Variants in MARCHF1 observed in about 807,000 individuals in gnomAD.
MARCHF1 encodes the protein membrane associated ring-CH-type finger 1.
Under a neutral mutation model 54.2 loss-of-function variants are expected in MARCHF1, and 40 were observed. The observed-to-expected ratio is 0.74, with a 90% CI of 0.57 to 0.96. MARCHF1 has a LOEUF of 0.96. Ranked by LOEUF, MARCHF1 falls within the 40% of genes least tolerant of loss-of-function variation. The probability of loss-of-function intolerance (pLI) is 0.00; values close to 1 mark genes in which losing one functional copy is unlikely to be tolerated. For missense variants in MARCHF1, 586 were observed against 656.5 expected (o/e 0.89, Z 1.17); for synonymous variants, 236 against 236.3 (o/e 1.00, Z 0.01).
At chr4:164,002,795 G>T (rs1312380654) in intron 2 of MARCHF1, among the ~76,000 whole-genome samples, 1 of 151,744 alleles carries the variant, frequency 6.6e-6, no homozygotes, top group Non-Finnish European at 1.5e-5. Context: ...TTAACTAAAA[G>T]AAAATCTTAA....
intron 2 of MARCHF1, among the ~76,000 whole-genome samples, chr4:164,087,999 T>C (rs1450136415): frequency 6.6e-6 from 1 of 152,144 alleles, no homozygotes; most frequent in African/African-American, 2.4e-5. Context: ...AATTGAGATA[T>C]GACATAAAAA....
At chr4:163,850,421 G>T (rs1485961909) in intron 4 of MARCHF1, among the ~76,000 whole-genome samples, 1 of 152,172 alleles carries the variant, frequency 6.6e-6, no homozygotes, top group African/African-American at 2.4e-5. Flanking sequence ...TACTTCTTCA[G>T]ACATTAAAGT....
intron 4 of MARCHF1, among the ~76,000 whole-genome samples, chr4:163,830,455 TCTCA>T (rs1256984869): frequency 6.6e-5 from 10 of 152,218 alleles, no homozygotes; most frequent in Middle Eastern, 3.4e-3. Context: ...ATGTTGGGGC[TCTCA>T]GAGAAGTAGC....
chr4:164,070,422 C>T (rs773249598), intron 2 of MARCHF1, among the ~76,000 whole-genome samples: 27 of 152,024 alleles, frequency 1.8e-4, no homozygotes, highest in Admixed American at 1.3e-4. Flanking sequence ...AGAATTTTAC[C>T]AGAACGTATA....
At chr4:164,103,929 G>T (rs1238532845) in intron 2 of MARCHF1, among the ~76,000 whole-genome samples, 5 of 149,528 alleles carry the variant, frequency 3.3e-5, no homozygotes, top group African/African-American at 1.3e-4. Flanking sequence ...ATGATAAAGG[G>T]GATATCACCA....
intron 1 of MARCHF1, among the ~76,000 whole-genome samples, chr4:164,244,081 T>C (rs1732864106): frequency 6.6e-6 from 1 of 152,052 alleles, no homozygotes; most frequent in African/African-American, 2.4e-5. Context: ...ATCCAGGAAT[T>C]GAACTCAGCT....
chr4:164,292,985 G>A (rs892099431), intron 1 of MARCHF1, among the ~76,000 whole-genome samples: 41 of 152,026 alleles, frequency 2.7e-4, no homozygotes, highest in African/African-American at 9.7e-4. Context: ...TGACTCTCCA[G>A]TCATTTTTCT....
chr4:163,805,936 C>T (rs531252565), intron 4 of MARCHF1, among the ~76,000 whole-genome samples: 1 of 152,296 alleles, frequency 6.6e-6, no homozygotes, highest in South Asian at 2.1e-4. Context: ...GCATATTAGA[C>T]ATCTTGATTC....
At chr4:164,171,176 T>C (rs937608365) in intron 1 of MARCHF1, among the ~76,000 whole-genome samples, 77 of 149,206 alleles carry the variant, frequency 5.2e-4, no homozygotes, top group African/African-American at 1.8e-3. Context: ...AATAGTACTT[T>C]TGTCCTTTTA....
intron 2 of MARCHF1, among the ~76,000 whole-genome samples, chr4:164,095,609 CTAAT>C (rs1439382034): frequency 1.3e-5 from 2 of 151,970 alleles, no homozygotes; most frequent in African/African-American, 2.4e-5. Flanking sequence ...ACCATAATCA[CTAAT>C]TATAGTTTCA....
At chr4:163,660,419 G>C (rs902994432) in intron 5 of MARCHF1, among the ~76,000 whole-genome samples, 1 of 151,914 alleles carries the variant, frequency 6.6e-6, no homozygotes, top group South Asian at 2.1e-4. Context: ...GGGGGTCAAG[G>C]GGAGGGAGAG....
At chr4:163,886,136 G>T (rs983164257) in intron 3 of MARCHF1, among the ~76,000 whole-genome samples, 1 of 148,458 alleles carries the variant, frequency 6.7e-6, no homozygotes, top group Non-Finnish European at 1.5e-5. Context: ...TAGAGAGATA[G>T]ATCTATAAAT....
chr4:163,538,584 C>T (rs1738615581), intron 9 of MARCHF1, among the ~76,000 whole-genome samples: 1 of 152,180 alleles, frequency 6.6e-6, no homozygotes, highest in Admixed American at 6.5e-5. Flanking sequence ...AGCCCATGCC[C>T]TAAGAGGATT....
rs534926380 is a variant in MARCHF1 at position 164,244,167 on chromosome 4, C to G, written c.-322-132505G>C. ...AACAGAATATACATTTTTTTCAGCA[C>G]CACACCACACCTATTCCAAAATTGA... On this transcript the variant is annotated intron_variant, in intron 1 of 9. Transcript: ENST00000514618. Among the ~76,000 whole-genome samples the G allele has an allele frequency of 7.5e-4, 114 of 151,896 alleles. 2 individuals are homozygous for G. The South Asian group carries it at 0.023, about 31-fold the overall frequency.
At chr4:163,691,921 T>C (rs2111203226) in intron 5 of MARCHF1, among the ~76,000 whole-genome samples, 1 of 152,238 alleles carries the variant, frequency 6.6e-6, no homozygotes, top group African/African-American at 2.4e-5. Flanking sequence ...CAGCCAAAAG[T>C]CTATATACTC....
At chr4:163,781,107 G>A (rs1182636854) in intron 4 of MARCHF1, among the ~76,000 whole-genome samples, 1 of 151,938 alleles carries the variant, frequency 6.6e-6, no homozygotes, top group Non-Finnish European at 1.5e-5. Flanking sequence ...ACTTTGGGAG[G>A]CCAAGGGGCG....
At chr4:164,241,920 G>A (rs968481923) in intron 1 of MARCHF1, among the ~76,000 whole-genome samples, 13 of 152,286 alleles carry the variant, frequency 8.5e-5, no homozygotes, top group East Asian at 3.9e-4. Context: ...CTTTTCCAAC[G>A]GGCTTAAAAA....
At chr4:163,743,328 G>A (rs1331728442) in intron 4 of MARCHF1, among the ~76,000 whole-genome samples, 2 of 152,178 alleles carry the variant, frequency 1.3e-5, no homozygotes, top group Non-Finnish European at 2.9e-5. Context: ...TTACAGATAA[G>A]CAGATGAGAA....
chr4:163,847,265 T>G (rs1343329269), intron 4 of MARCHF1, among the ~76,000 whole-genome samples: 7 of 152,212 alleles, frequency 4.6e-5, no homozygotes, highest in Admixed American at 1.3e-4. Flanking sequence ...TTAATACATC[T>G]ACTCTACTTT....
Sources: gnomAD v4.1 joint callset for allele counts (sites outside exome capture counted in the v4.1 genomes callset) on GRCh38, gnomAD v4.1.1 for gene constraint, MANE v1.5 for transcripts, NCBI Gene and HGNC (gene_info 2026-07-23, HGNC 2026-07-21) for gene names.